Variants in LRRC4C observed in about 807,000 individuals in gnomAD.
LRRC4C encodes the protein leucine rich repeat containing 4C, also known as leucine-rich repeat-containing protein 4C.
A neutral mutation model predicts 33.6 loss-of-function variants in LRRC4C; 5 were observed. The observed-to-expected ratio is 0.15, with a 90% CI of 0.08 to 0.31. LRRC4C has a LOEUF of 0.31. LRRC4C is among the 10% of genes least tolerant of loss of function. The probability of loss-of-function intolerance (pLI) is 1.00; values close to 1 mark genes in which losing one functional copy is unlikely to be tolerated. For missense variants in LRRC4C, 560 were observed against 796.7 expected, an observed-to-expected ratio of 0.70 and a Z score of 3.58; for synonymous variants, 329 against 302.0, an observed-to-expected ratio of 1.09 and a Z score of -0.93.
intron 1 of LRRC4C, among the ~76,000 whole-genome samples, chr11:41,431,960 CT>C (rs1431713042): frequency 1.3e-5 from 2 of 152,012 alleles, no homozygotes; most frequent in Non-Finnish European, 2.9e-5. Context: ...AGTATGTCAT[CT>C]AAAAGAACTG....
chr11:41,185,442 T>C (rs914894785), intron 1 of LRRC4C, among the ~76,000 whole-genome samples: 11 of 152,186 alleles, frequency 7.2e-5, no homozygotes, highest in African/African-American at 2.4e-4. Context: ...TCTTAAGTGT[T>C]TGTAATCTGT....
chr11:40,686,512 G>A (rs1944963707), intron 2 of LRRC4C, among the ~76,000 whole-genome samples: 1 of 151,936 alleles, frequency 6.6e-6, no homozygotes, highest in South Asian at 2.1e-4. Flanking sequence ...CAGACGTTGA[G>A]TATACTGTGA....
intron 2 of LRRC4C, among the ~76,000 whole-genome samples, chr11:40,857,912 C>CA (rs199833321): frequency 6.2e-4 from 80 of 129,544 alleles, no homozygotes; most frequent in South Asian, 1.8e-3. Flanking sequence ...AAGATCCTAC[C>CA]AAAAAAAAGA....
intron 1 of LRRC4C, among the ~76,000 whole-genome samples, chr11:41,238,971 C>T (rs192987727): frequency 4.6e-5 from 7 of 151,758 alleles, no homozygotes; most frequent in Non-Finnish European, 1.0e-4. Flanking sequence ...AGAAAGGCCA[C>T]GTATTTCTAT....
chr11:40,427,349 C>CA (rs1247380124), intron 3 of LRRC4C, among the ~76,000 whole-genome samples: 1 of 151,628 alleles, frequency 6.6e-6, no homozygotes, highest in African/African-American at 2.4e-5. Context: ...ACTAAAAATA[C>CA]AAAAAAATTT....
intron 1 of LRRC4C, among the ~76,000 whole-genome samples, chr11:41,259,268 GT>G (rs1948899823): frequency 1.3e-5 from 2 of 151,914 alleles, no homozygotes; most frequent in South Asian, 4.1e-4. Flanking sequence ...CTCTCTTCTA[GT>G]ATTTTGTGTT....
intron 2 of LRRC4C, among the ~76,000 whole-genome samples, chr11:40,708,719 TA>T (rs1368533882): frequency 5.3e-5 from 8 of 152,172 alleles, no homozygotes; most frequent in Non-Finnish European, 1.2e-4. Flanking sequence ...AGATGTCTAT[TA>T]GGTCTGCTTG....
chr11:40,200,214 A>AAAAAAAAAAAAAAAAAAAAAAAAG (rs1862608609), intron 5 of LRRC4C, among the ~76,000 whole-genome samples: 1 of 101,566 alleles, frequency 9.8e-6, no homozygotes, highest in Non-Finnish European at 2.1e-5. Flanking sequence ...AAAAAAAAAA[A>AAAAAAAAAAAAAAAAAAAAAAAAG]ATAGCCATTC....
chr11:40,821,593 C>T (rs532871622), intron 2 of LRRC4C, among the ~76,000 whole-genome samples: 1 of 151,386 alleles, frequency 6.6e-6, no homozygotes, highest in East Asian at 1.9e-4. Flanking sequence ...TCTTATATGG[C>T]CTTCACCCAA....
At chr11:40,753,969 T>C (rs899669715) in intron 2 of LRRC4C, among the ~76,000 whole-genome samples, 11 of 151,994 alleles carry the variant, frequency 7.2e-5, no homozygotes, top group South Asian at 6.2e-4. Context: ...GTACACAATA[T>C]ATATATATTC....
At chr11:40,848,488 A>G (rs1021872280) in intron 2 of LRRC4C, among the ~76,000 whole-genome samples, 6 of 152,070 alleles carry the variant, frequency 3.9e-5, no homozygotes, top group African/African-American at 1.4e-4. Flanking sequence ...TTCTAATTTC[A>G]TTGCACTGAG....
chr11:41,429,478 T>C (rs1256427619), intron 1 of LRRC4C, among the ~76,000 whole-genome samples: 1 of 152,136 alleles, frequency 6.6e-6, no homozygotes, highest in African/African-American at 2.4e-5. Context: ...CTTACCATTA[T>C]GGAATGGGAA....
chr11:40,725,281 T>G (rs1294000010), intron 2 of LRRC4C, among the ~76,000 whole-genome samples: 1 of 152,078 alleles, frequency 6.6e-6, no homozygotes. Flanking sequence ...CCGAGGCAGG[T>G]GGATCACGAG....
intron 2 of LRRC4C, among the ~76,000 whole-genome samples, chr11:40,746,558 C>T (rs1948432555): frequency 6.6e-6 from 1 of 152,166 alleles, no homozygotes; most frequent in Admixed American, 6.5e-5. Flanking sequence ...CATTGCTGCC[C>T]CTAACCTGAG....
chr11:40,463,118 C>G (rs1952482246), intron 3 of LRRC4C, among the ~76,000 whole-genome samples: 1 of 151,890 alleles, frequency 6.6e-6, no homozygotes, highest in African/African-American at 2.4e-5. Flanking sequence ...ATCCCTGGAG[C>G]CAAGAGTGTG....
chr11:41,351,244 C>T (rs1951971320), intron 1 of LRRC4C, among the ~76,000 whole-genome samples: 1 of 88,450 alleles, frequency 1.1e-5, no homozygotes, highest in Non-Finnish European at 2.6e-5. Flanking sequence ...CATACACACA[C>T]ACACACATAC....
chr11:41,338,776 A>C (rs1432019806), intron 1 of LRRC4C, among the ~76,000 whole-genome samples: 1 of 152,168 alleles, frequency 6.6e-6, no homozygotes, highest in Admixed American at 6.5e-5. Flanking sequence ...AAATAGAAAA[A>C]GCAAACAAGC....
intron 6 of LRRC4C, among the ~76,000 whole-genome samples, chr11:40,122,276 G>T (rs928331682): frequency 5.9e-5 from 9 of 151,778 alleles, no homozygotes; most frequent in Admixed American, 5.9e-4. Flanking sequence ...TAAGTTCCTG[G>T]ATACATGTGC....
intron 1 of LRRC4C, among the ~76,000 whole-genome samples, chr11:41,320,064 C>T (rs955172137): frequency 6.6e-6 from 1 of 152,046 alleles, no homozygotes; most frequent in Non-Finnish European, 1.5e-5. Context: ...AGAATTTTGA[C>T]TATGGTAACC....
Sources: allele counts gnomAD v4.1 joint callset (sites outside exome capture counted in the v4.1 genomes callset), GRCh38; gene constraint gnomAD v4.1.1; transcripts MANE v1.5; gene names NCBI Gene and HGNC (gene_info 2026-07-23, HGNC 2026-07-21).